Variants in C12orf54 observed in about 807,000 individuals in gnomAD.
The protein encoded by C12orf54 is uncharacterized protein C12orf54.
A neutral mutation model predicts 26.4 loss-of-function variants in C12orf54; 24 were observed. The observed-to-expected ratio is 0.91, with a 90% confidence interval of 0.66 to 1.28. C12orf54 has a LOEUF of 1.28. Ranked by LOEUF, C12orf54 falls within the 50% of genes most tolerant of loss-of-function variation. The pLI is 0.00. For synonymous variants in C12orf54, 54 were observed against 47.0 expected, an observed-to-expected ratio of 1.15 and a Z score of -0.61; for missense variants, 154 against 150.9, an observed-to-expected ratio of 1.02 and a Z score of -0.11.
At chr12:48,478,635 A>G (rs2137080317), upstream of C12orf54, among the ~76,000 whole-genome samples, 1 of 152,116 alleles carries the variant, frequency 6.6e-6, no homozygotes, top group South Asian at 2.1e-4. Flanking sequence ...TCATGAGTGA[A>G]CTCCCCTTCA....
intron 6 of C12orf54, among the ~76,000 whole-genome samples, chr12:48,491,076 C>G (rs905508546): frequency 1.3e-5 from 2 of 152,226 alleles, no homozygotes; most frequent in African/African-American, 4.8e-5. Context: ...TTCATAAGCA[C>G]TGCAAGTCTC....
the C12orf54 span, among the ~76,000 whole-genome samples, chr12:48,474,719 T>C: frequency 6.6e-6 from 1 of 152,112 alleles, no homozygotes; most frequent in Admixed American, 6.6e-5. Flanking sequence ...GCCAAGTTAG[T>C]TGTTTGATTA....
chr12:48,447,649 G>C, the C12orf54 span, among the ~76,000 whole-genome samples: 2 of 151,914 alleles, frequency 1.3e-5, no homozygotes, highest in Non-Finnish European at 2.9e-5. Flanking sequence ...ATGGTTTCTC[G>C]TGTAGCTTCT....
In C12orf54 at chr12:48,492,724, C is replaced by T. The variant is rs375232038; in HGVS notation, c.194-223C>T. ...AACTCAGTTCCCAGCCCTGGATGAA[C>T]AGACCTTCAGTGGCCATGATCCGCT... On this transcript the variant is annotated intron_variant, in intron 6 of 8. Coordinates refer to ENST00000548364, the MANE Select transcript of C12orf54 (RefSeq NM_152319.4). Among the ~76,000 whole-genome samples the T allele has an allele frequency of 4.3e-4, 65 of 152,344 alleles. 1 individual carries two copies. In the East Asian group the frequency reaches 9.6e-3, roughly 23 times the overall value.
intron 4 of C12orf54, among the ~76,000 whole-genome samples, chr12:48,487,136 C>A (rs1036495004): frequency 6.6e-6 from 1 of 152,136 alleles, no homozygotes; most frequent in African/African-American, 2.4e-5. Flanking sequence ...GCTAGTAATG[C>A]CCATAAGATA....
At chr12:48,479,283 A>G (rs920741809), upstream of C12orf54, among the ~76,000 whole-genome samples, 12 of 152,214 alleles carry the variant, frequency 7.9e-5, no homozygotes, top group African/African-American at 1.2e-4. Flanking sequence ...AACACCGCAT[A>G]TTCTCACTCA....
chr12:48,425,450 A>T, the C12orf54 span, among the ~76,000 whole-genome samples: 2 of 152,096 alleles, frequency 1.3e-5, no homozygotes, highest in Admixed American at 6.6e-5. Context: ...GTGAAAATGT[A>T]CCACGTTTTC....
At chr12:48,472,935 A>T in the C12orf54 span, 1 of 1,614,224 alleles carries the variant, frequency 6.2e-7, no homozygotes, top group East Asian at 2.2e-5. Context: ...TCCAAACCTC[A>T]TACATCTAAA....
the C12orf54 span, among the ~76,000 whole-genome samples, chr12:48,464,889 C>A: frequency 6.6e-6 from 1 of 151,986 alleles, no homozygotes; most frequent in South Asian, 2.1e-4. Flanking sequence ...AAATTGAACC[C>A]CTCCCTTACA....
At chr12:48,474,698 C>T in the C12orf54 span, among the ~76,000 whole-genome samples, 40 of 152,388 alleles carry the variant, frequency 2.6e-4, no homozygotes, top group South Asian at 1.4e-3. Flanking sequence ...GCGGGAGGGG[C>T]GCCCGCCATT....
the C12orf54 span, among the ~76,000 whole-genome samples, chr12:48,469,873 A>G: frequency 6.6e-6 from 1 of 152,158 alleles, no homozygotes; most frequent in Non-Finnish European, 1.5e-5. Flanking sequence ...AGTTGTCCCC[A>G]ACATCTGTCA....
intron 4 of C12orf54, among the ~76,000 whole-genome samples, chr12:48,487,485 C>G (rs1320959692): frequency 2.0e-5 from 3 of 152,164 alleles, no homozygotes; most frequent in Non-Finnish European, 4.4e-5. Flanking sequence ...TGACTCTTTA[C>G]ATAAGGAAAT....
chr12:48,461,095 C>G, the C12orf54 span, among the ~76,000 whole-genome samples: 14 of 151,970 alleles, frequency 9.2e-5, no homozygotes, highest in Admixed American at 5.9e-4. Context: ...CGTGCTGACA[C>G]TAATCAAAAT....
chr12:48,468,476 T>C, the C12orf54 span, among the ~76,000 whole-genome samples: 1 of 152,226 alleles, frequency 6.6e-6, no homozygotes, highest in East Asian at 1.9e-4. Flanking sequence ...GTGATCTATA[T>C]GTGTTTTATG....
At chr12:48,421,951 AG>A in the C12orf54 span, among the ~76,000 whole-genome samples, 1 of 152,354 alleles carries the variant, frequency 6.6e-6, no homozygotes, top group Non-Finnish European at 1.5e-5. Context: ...TAATTTGCCA[AG>A]AACAATCCAA....
chr12:48,468,026 T>C, the C12orf54 span, among the ~76,000 whole-genome samples: 22,041 of 152,102 alleles, frequency 0.14, 2,815 homozygotes, highest in East Asian at 0.66. Context: ...TCTACATACA[T>C]TTGAGTTCCT....
At chr12:48,482,679 G>C (rs1197676080) in intron 1 of C12orf54, 103 bp downstream of exon 1, 1 of 152,226 alleles carries the variant, frequency 6.6e-6, no homozygotes, top group Non-Finnish European at 1.5e-5. Flanking sequence ...AGGAGGATTT[G>C]TCTCCTGTCT....
chr12:48,453,955 C>T, the C12orf54 span, among the ~76,000 whole-genome samples: 6 of 152,044 alleles, frequency 3.9e-5, no homozygotes, highest in Admixed American at 3.9e-4. Flanking sequence ...ATTCATTGTA[C>T]TTGAAGCCTT....
chr12:48,487,882 G>A (rs1411231967), intron 4 of C12orf54: 13 of 577,276 alleles, frequency 2.3e-5, no homozygotes, highest in African/African-American at 3.7e-5. Flanking sequence ...GGGTAACACA[G>A]TAGGTGGATA....
Sources: gnomAD v4.1 joint callset for allele counts (sites outside exome capture counted in the v4.1 genomes callset) on GRCh38, gnomAD v4.1.1 for gene constraint, MANE v1.5 for transcripts, NCBI Gene and HGNC (gene_info 2026-07-23, HGNC 2026-07-21) for gene names.